Variants in DLGAP1 observed in about 807,000 individuals in gnomAD.
The protein encoded by DLGAP1 is disks large-associated protein 1.
In DLGAP1, 11 loss-of-function variants were observed where a neutral mutation model predicts 90.8. The observed-to-expected ratio is 0.12, with a 90% CI of 0.08 to 0.20. The LOEUF is 0.20. Among genes scored for constraint, DLGAP1 ranks in the 10% least tolerant of loss-of-function variants. The pLI, the probability that DLGAP1 is intolerant of heterozygous loss-of-function variation, is 1.00. For missense variants in DLGAP1, 1,050 were observed against 1,333.8 expected (o/e 0.79, Z 3.31); for synonymous variants, 558 against 540.7 (o/e 1.03, Z -0.44).
intron 3 of DLGAP1, among the ~76,000 whole-genome samples, chr18:3,892,715 T>A (rs1225880209): frequency 6.6e-6 from 1 of 151,820 alleles, no homozygotes. Flanking sequence ...AAAAAAGAAG[T>A]CTGGAAGATG....
intron 1 of DLGAP1, among the ~76,000 whole-genome samples, chr18:4,286,165 A>G (rs1473421227): frequency 1.3e-5 from 2 of 152,166 alleles, no homozygotes; most frequent in Non-Finnish European, 2.9e-5. Context: ...GAAGCCAAAA[A>G]GGAAGGATGA....
intron 1 of DLGAP1, among the ~76,000 whole-genome samples, chr18:4,154,881 G>A (rs957866362): frequency 6.6e-5 from 10 of 152,076 alleles, no homozygotes; most frequent in Admixed American, 6.5e-4. Flanking sequence ...CACTATCTAG[G>A]GGATGAGAAT....
At chr18:4,349,552 G>GA (rs900528270) in intron 1 of DLGAP1, among the ~76,000 whole-genome samples, 17 of 151,294 alleles carry the variant, frequency 1.1e-4, no homozygotes, top group African/African-American at 2.7e-4. Context: ...GAATAAAAGT[G>GA]AAAAAAAACT....
intron 1 of DLGAP1, among the ~76,000 whole-genome samples, chr18:4,178,202 AACACACACACACACACACACACACACAC>A (rs59444096): frequency 8.4e-6 from 1 of 118,408 alleles, no homozygotes; most frequent in Non-Finnish European, 1.7e-5. Context: ...TCCTGGAATA[AACACACACACACACACACACACACACAC>A]ACACACACAC....
chr18:4,118,565 T>C (rs993649131), intron 2 of DLGAP1, among the ~76,000 whole-genome samples: 3 of 152,118 alleles, frequency 2.0e-5, no homozygotes, highest in African/African-American at 7.2e-5. Context: ...CCGCCTACAA[T>C]GGAATTTCTG....
intron 4 of DLGAP1, 136 bp downstream of exon 4, chr18:3,878,976 G>T: frequency 1.5e-6 from 1 of 684,574 alleles, no homozygotes; most frequent in Non-Finnish European, 2.2e-6. Context: ...ATTCGGCACA[G>T]AGATGCCGAA....
intron 4 of DLGAP1, among the ~76,000 whole-genome samples, chr18:3,837,967 C>G (rs1266462900): frequency 6.8e-6 from 1 of 146,554 alleles, no homozygotes; most frequent in Non-Finnish European, 1.5e-5. Context: ...TTTTAAAAAC[C>G]AGTATATTAC....
At chr18:3,904,543 C>T (rs2071853845) in intron 3 of DLGAP1, among the ~76,000 whole-genome samples, 1 of 152,194 alleles carries the variant, frequency 6.6e-6, no homozygotes, top group Non-Finnish European at 1.5e-5. Context: ...TGAACTGTAA[C>T]AGCATTGATC....
chr18:4,137,091 C>T lies in DLGAP1; in HGVS notation c.-159+14089G>A, dbSNP rs57711822. On this transcript the variant is annotated intron_variant, in intron 2 of 12. Transcript: ENST00000315677. ...ACAGGCCCCAGTGTGTGATGTTCCC[C>T]TTCCTGTGTCCATGTGTTCTCATTG... Among the ~76,000 whole-genome samples the T allele has an allele frequency of 3.9e-3, 595 of 152,226 alleles. 6 individuals are homozygous for T. Among genetic ancestry groups the T allele is most frequent in the African/African-American group, 0.013 (545 of 41,530 alleles).
chr18:3,674,789 C>A (rs2060238155), intron 7 of DLGAP1, among the ~76,000 whole-genome samples: 1 of 149,782 alleles, frequency 6.7e-6, no homozygotes. Flanking sequence ...CCACCACAAT[C>A]ATCACCCCCA....
chr18:4,143,204 G>T (rs569085792), intron 2 of DLGAP1, among the ~76,000 whole-genome samples: 1 of 152,206 alleles, frequency 6.6e-6, no homozygotes, highest in Admixed American at 6.5e-5. Context: ...TACCCTTCAG[G>T]ATGGCAAGTT....
At chr18:3,570,671 G>A (rs374816493) in intron 8 of DLGAP1, among the ~76,000 whole-genome samples, 1 of 151,898 alleles carries the variant, frequency 6.6e-6, no homozygotes, top group Non-Finnish European at 1.5e-5. Flanking sequence ...GCTCATGCCT[G>A]TAGTCCTAGC....
At chr18:4,160,558 C>G (rs1228155931) in intron 1 of DLGAP1, among the ~76,000 whole-genome samples, 1 of 152,106 alleles carries the variant, frequency 6.6e-6, no homozygotes. Flanking sequence ...ATGATTATTA[C>G]CATTTTGTTC....
chr18:3,944,498 T>A (rs995930965), intron 3 of DLGAP1, among the ~76,000 whole-genome samples: 1 of 151,542 alleles, frequency 6.6e-6, no homozygotes, highest in Non-Finnish European at 1.5e-5. Context: ...ACAGAGACTC[T>A]GTTAAAAAAA....
At chr18:3,520,551 G>A (rs1041963727) in intron 10 of DLGAP1, among the ~76,000 whole-genome samples, 2 of 152,068 alleles carry the variant, frequency 1.3e-5, no homozygotes, top group Admixed American at 6.6e-5. Context: ...AATCCACTAC[G>A]ACTGATGTCC....
intron 2 of DLGAP1, among the ~76,000 whole-genome samples, chr18:4,105,801 T>C (rs773909985): frequency 7.2e-4 from 109 of 151,526 alleles, no homozygotes; most frequent in African/African-American, 2.4e-3. Context: ...GAGGCCGAGG[T>C]GGGCGGATCA....
At chr18:4,425,949 A>G (rs1213556919) in intron 1 of DLGAP1, among the ~76,000 whole-genome samples, 1 of 152,214 alleles carries the variant, frequency 6.6e-6, no homozygotes, top group Admixed American at 6.5e-5. Flanking sequence ...TAGGTTGTAC[A>G]TCCTCTTCTA....
chr18:4,337,538 T>A (rs2081097200), intron 1 of DLGAP1, among the ~76,000 whole-genome samples: 1 of 152,136 alleles, frequency 6.6e-6, no homozygotes, highest in Admixed American at 6.5e-5. Flanking sequence ...TTAAAAAGAT[T>A]GTAAGAAGAA....
intron 1 of DLGAP1, among the ~76,000 whole-genome samples, chr18:4,252,702 G>A (rs1187524333): frequency 6.6e-6 from 1 of 152,136 alleles, no homozygotes. Flanking sequence ...AATTTCGACC[G>A]TAATAATTTT....
Sources: gnomAD v4.1 joint callset for allele counts (sites outside exome capture counted in the v4.1 genomes callset) on GRCh38, gnomAD v4.1.1 for gene constraint, MANE v1.5 for transcripts, NCBI Gene and HGNC (gene_info 2026-07-23, HGNC 2026-07-21) for gene names.